Variants in NAALADL2 observed in about 807,000 individuals in gnomAD.
NAALADL2 encodes the protein N-acetylated alpha-linked acidic dipeptidase like 2.
NAALADL2 carries 76 observed loss-of-function variants against 87.2 expected under a neutral mutation model. The ratio of observed to expected loss-of-function variants is 0.87; its 90% CI spans 0.72 to 1.05. The LOEUF (loss-of-function observed/expected upper bound fraction) is 1.05. NAALADL2 is among the 50% of genes least tolerant of loss of function. The pLI is 0.00. For missense variants in NAALADL2, 1,089 were observed against 945.8 expected, an observed-to-expected ratio of 1.15 and a Z score of -1.99; for synonymous variants, 354 against 331.0, an observed-to-expected ratio of 1.07 and a Z score of -0.75.
chr3:174,681,851 C>T (rs1049335673), intron 2 of NAALADL2, among the ~76,000 whole-genome samples: 4 of 152,166 alleles, frequency 2.6e-5, no homozygotes, highest in African/African-American at 9.7e-5. Flanking sequence ...TCCCTGATTC[C>T]AGGCCTTGGC....
intron 9 of NAALADL2, among the ~76,000 whole-genome samples, chr3:175,473,055 A>G (rs982611396): frequency 2.6e-5 from 4 of 152,146 alleles, no homozygotes; most frequent in Non-Finnish European, 4.4e-5. Flanking sequence ...TATTTTGAGA[A>G]TCTTGAAAGA....
intron 1 of NAALADL2, among the ~76,000 whole-genome samples, chr3:174,996,881 T>C (rs1747534218): frequency 6.6e-6 from 1 of 152,062 alleles, no homozygotes; most frequent in Non-Finnish European, 1.5e-5. Flanking sequence ...AATGAGAACA[T>C]ACAATATTTG....
At chr3:175,212,631 C>A (rs1021711712) in intron 2 of NAALADL2, among the ~76,000 whole-genome samples, 3 of 150,908 alleles carry the variant, frequency 2.0e-5, no homozygotes, top group Admixed American at 6.6e-5. Flanking sequence ...TTCCTCACTT[C>A]ATCTTTTCCT....
intron 1 of NAALADL2, among the ~76,000 whole-genome samples, chr3:175,082,061 T>A (rs919708905): frequency 2.6e-5 from 4 of 152,046 alleles, no homozygotes; most frequent in African/African-American, 9.7e-5. Context: ...TGTGTGTGTG[T>A]GTATGTGTGT....
chr3:174,527,556 T>G (rs906798096), intron 1 of NAALADL2, among the ~76,000 whole-genome samples: 1 of 152,062 alleles, frequency 6.6e-6, no homozygotes, highest in African/African-American at 2.4e-5. Flanking sequence ...ATTTTTCTTT[T>G]TAAGTGTAAG....
chr3:175,147,671 G>A (rs1242436509), intron 2 of NAALADL2, among the ~76,000 whole-genome samples: 1 of 152,152 alleles, frequency 6.6e-6, no homozygotes, highest in Non-Finnish European at 1.5e-5. Context: ...TCTTCAAACT[G>A]CTTTCCACAG....
At chr3:174,617,322 C>A (rs1025849758) in intron 2 of NAALADL2, among the ~76,000 whole-genome samples, 1 of 151,454 alleles carries the variant, frequency 6.6e-6, no homozygotes, top group African/African-American at 2.4e-5. Context: ...TACTTGTGTC[C>A]TTTAAAAGAA....
chr3:175,120,275 A>G (rs1725956577), intron 2 of NAALADL2, among the ~76,000 whole-genome samples: 1 of 151,752 alleles, frequency 6.6e-6, no homozygotes, highest in Admixed American at 6.6e-5. Flanking sequence ...GCTATGGAGT[A>G]TAATGTAATT....
intron 3 of NAALADL2, among the ~76,000 whole-genome samples, chr3:174,844,745 G>T: frequency 6.9e-6 from 1 of 145,848 alleles, no homozygotes. Context: ...TTTTTAGATA[G>T]TCTGTTATTG....
chr3:174,470,216 T>C (rs553558207), intron 1 of NAALADL2, among the ~76,000 whole-genome samples: 1 of 152,286 alleles, frequency 6.6e-6, no homozygotes, highest in South Asian at 2.1e-4. Context: ...TGGTATCTCA[T>C]TGTGGGTTTG....
intron 13 of NAALADL2, among the ~76,000 whole-genome samples, chr3:175,789,788 A>G (rs185629259): frequency 6.6e-6 from 1 of 152,356 alleles, no homozygotes; most frequent in Admixed American, 6.5e-5. Context: ...CCCACTGAAT[A>G]AAGTCAATTA....
At chr3:175,408,704 A>G (rs1712896604) in intron 5 of NAALADL2, among the ~76,000 whole-genome samples, 1 of 151,988 alleles carries the variant, frequency 6.6e-6, no homozygotes, top group African/African-American at 2.4e-5. Context: ...GAGGGGCATA[A>G]ACATGTTATC....
At chr3:175,314,357 T>G (rs1272965695) in intron 4 of NAALADL2, among the ~76,000 whole-genome samples, 1 of 151,182 alleles carries the variant, frequency 6.6e-6, no homozygotes, top group African/African-American at 2.4e-5. Flanking sequence ...AAGATAAAAT[T>G]ACACATTCAA....
intron 2 of NAALADL2, among the ~76,000 whole-genome samples, chr3:174,599,559 C>A (rs1718242997): frequency 6.6e-6 from 1 of 152,116 alleles, no homozygotes. Flanking sequence ...GGAAATAAAT[C>A]AGTATCCTTC....
intron 2 of NAALADL2, among the ~76,000 whole-genome samples, chr3:174,711,441 A>C (rs922728608): frequency 2.0e-5 from 3 of 152,300 alleles, no homozygotes; most frequent in South Asian, 2.1e-4. Context: ...TCCCACTTAC[A>C]CTTCCACATA....
intron 2 of NAALADL2, among the ~76,000 whole-genome samples, chr3:175,103,492 A>G (rs1169057796): frequency 6.6e-6 from 1 of 152,162 alleles, no homozygotes; most frequent in Non-Finnish European, 1.5e-5. Flanking sequence ...AATTTACTGC[A>G]TATATACTGC....
chr3:175,749,058 G>C (rs1161055203), intron 12 of NAALADL2, among the ~76,000 whole-genome samples: 1 of 147,494 alleles, frequency 6.8e-6, no homozygotes, highest in East Asian at 2.1e-4. Flanking sequence ...AGTGAGCTTT[G>C]ATTGTACTAC....
chr3:175,460,942 A>G (rs12492125), intron 6 of NAALADL2, among the ~76,000 whole-genome samples: 6,946 of 152,282 alleles, frequency 0.046, 218 homozygotes, highest in Middle Eastern at 0.092. Context: ...TGGTGTGGCC[A>G]GCTTTTATTC....
chr3:174,563,130 T>C (rs370187977), intron 2 of NAALADL2, among the ~76,000 whole-genome samples: 2 of 151,962 alleles, frequency 1.3e-5, no homozygotes, highest in Non-Finnish European at 2.9e-5. Flanking sequence ...ATTTTCCACA[T>C]GAAAGAGTAT....
Sources: gnomAD v4.1 joint callset for allele counts (sites outside exome capture counted in the v4.1 genomes callset) on GRCh38, gnomAD v4.1.1 for gene constraint, MANE v1.5 for transcripts, NCBI Gene and HGNC (gene_info 2026-07-23, HGNC 2026-07-21) for gene names.